Variants in GHR observed in about 807,000 individuals in gnomAD.
GHR encodes the protein growth hormone receptor, also known as GH receptor.
Under a neutral mutation model 67.1 loss-of-function variants are expected in GHR, and 35 were observed. The ratio of observed to expected loss-of-function variants is 0.52; its 90% confidence interval spans 0.40 to 0.69. The LOEUF is 0.69. Among genes scored for constraint, GHR ranks in the 30% least tolerant of loss-of-function variants. The pLI, the probability that GHR is intolerant of heterozygous loss-of-function variation, is 0.00. For synonymous variants in GHR, 272 were observed against 269.1 expected (o/e 1.01, Z -0.10); for missense variants, 792 against 764.6 (o/e 1.04, Z -0.42).
intron 2 of GHR, among the ~76,000 whole-genome samples, chr5:42,610,442 A>AG (rs1752838499): frequency 6.6e-6 from 1 of 152,178 alleles, no homozygotes; most frequent in South Asian, 2.1e-4. Flanking sequence ...CTAGTGGCTG[A>AG]CTAGGTAAAA....
chr5:42,711,143 T>C, intron 6 of GHR, 64 bp from the exon 7 acceptor site: 2 of 1,128,394 alleles, frequency 1.8e-6, no homozygotes, highest in Non-Finnish European at 2.7e-6. Flanking sequence ...AGAATACCTG[T>C]AGTGTTCATT....
chr5:42,603,878 C>G (rs1467029445), intron 2 of GHR, among the ~76,000 whole-genome samples: 1 of 152,210 alleles, frequency 6.6e-6, no homozygotes, highest in African/African-American at 2.4e-5. Flanking sequence ...CTTCCTCAAC[C>G]AACTTCCAAT....
At chr5:42,481,177 G>T (rs1027853279) in intron 1 of GHR, among the ~76,000 whole-genome samples, 1 of 152,084 alleles carries the variant, frequency 6.6e-6, no homozygotes, top group African/African-American at 2.4e-5. Flanking sequence ...GAAATTCTGG[G>T]TTGAAAATTC....
At chr5:42,629,362 G>C (rs1184841894) in intron 3 of GHR, among the ~76,000 whole-genome samples, 2 of 131,432 alleles carry the variant, frequency 1.5e-5, no homozygotes, top group African/African-American at 3.2e-5. Flanking sequence ...GGGTCATGTG[G>C]GCAGATTCCT....
chr5:42,544,996 T>C (rs1294660673), intron 1 of GHR, among the ~76,000 whole-genome samples: 2 of 152,178 alleles, frequency 1.3e-5, no homozygotes, highest in Non-Finnish European at 2.9e-5. Flanking sequence ...GATAACTCCA[T>C]ATAATGGAGA....
chr5:42,571,116 T>G (rs2112499282), intron 2 of GHR, among the ~76,000 whole-genome samples: 1 of 152,248 alleles, frequency 6.6e-6, no homozygotes, highest in East Asian at 1.9e-4. Flanking sequence ...TGACTCACGT[T>G]TAATGCAGTG....
At position 42,579,139 on chromosome 5, in the gene GHR, AT is replaced by A. The variant is rs1488972978; in HGVS notation, c.70+13196del. ...GATAGATAGATAGATAGATAGATAG[AT>A]GATAGATAGATATAGATAGATAGAT... On this transcript the variant is annotated intron_variant, in intron 2 of 9. Coordinates refer to ENST00000230882, the MANE Select transcript of GHR (RefSeq NM_000163.5). 1.5e-3 allele frequency among the ~76,000 whole-genome samples: 68 copies of A among 44,134 alleles called. 2 individuals carry two copies. Among genetic ancestry groups the A allele is most frequent in the South Asian group, 3.7e-3 (7 of 1,908 alleles). 29.0% of individuals were successfully genotyped at this position (44,134 alleles called of 152,430 possible).
intron 3 of GHR, among the ~76,000 whole-genome samples, chr5:42,664,968 T>C (rs2112879561): frequency 6.6e-6 from 1 of 152,276 alleles, no homozygotes; most frequent in East Asian, 1.9e-4. Context: ...AGAAGACATT[T>C]ATGCAGCCAA....
At chr5:42,426,684 A>G (rs746702234) in intron 1 of GHR, among the ~76,000 whole-genome samples, 9 of 152,200 alleles carry the variant, frequency 5.9e-5, no homozygotes, top group Non-Finnish European at 1.0e-4. Flanking sequence ...TCTTCAATTG[A>G]TAAGAATCGA....
At chr5:42,435,842 A>G (rs578253860) in intron 1 of GHR, among the ~76,000 whole-genome samples, 1 of 152,304 alleles carries the variant, frequency 6.6e-6, no homozygotes, top group Non-Finnish European at 1.5e-5. Flanking sequence ...GGCCTTTGTA[A>G]CCAGATAGCA....
rs1460897433 is a variant in GHR, at chr5:42,565,925, T to C, written c.51T>C (p.Asp17=). The change falls in exon 2 of 10, where the codon GAT becomes GAC. Residue 17 remains aspartate, a synonymous_variant. Transcript: ENST00000230882. ...LLTLALAGSS[D]AFSGSEATAA... is the part of the protein sequence containing the mutation. The stretch of plus-strand genomic sequence containing the variant: ...CCTTGGCACTGGCAGGATCAAGTGA[T>C]GCTTTTTCTGGAAGTGAGGGTGAGT... 1.2e-6 allele frequency: 2 copies of C among 1,614,006 alleles called. No homozygotes were observed. The highest frequency in any genetic ancestry group is 1.1e-5 in the South Asian group (1 of 91,094).
rs574579980 is a variant in GHR, at chr5:42,694,071, C to T, written c.267-846C>T. 2.0e-5 allele frequency among the ~76,000 whole-genome samples: 3 copies of T among 152,242 alleles called. 1 individual carries two copies. The highest frequency in any genetic ancestry group is 7.2e-5 in the African/African-American group (3 of 41,552). On this transcript the variant is annotated intron_variant, in intron 4 of 9. Coordinates refer to ENST00000230882, the MANE Select transcript of GHR (RefSeq NM_000163.5). ...GCCATCTATTAAACTTTTACCCATCCTTCAAGAATGCTAAAAACATACCTC... is the reference window on the plus strand; with the variant it reads ...GCCATCTATTAAACTTTTACCCATCTTTCAAGAATGCTAAAAACATACCTC...
chr5:42,451,105 AT>A (rs892965087), intron 1 of GHR, among the ~76,000 whole-genome samples: 1 of 152,146 alleles, frequency 6.6e-6, no homozygotes, highest in Non-Finnish European at 1.5e-5. Flanking sequence ...TATATTCTAC[AT>A]TTTTAGGTAG....
At chr5:42,473,884 A>C in intron 1 of GHR, among the ~76,000 whole-genome samples, 1 of 150,448 alleles carries the variant, frequency 6.6e-6, no homozygotes, top group East Asian at 2.0e-4. Flanking sequence ...AAAAAAAAAA[A>C]AAAAAAGAAA....
At chr5:42,698,761 T>C (rs968043583) in intron 5 of GHR, among the ~76,000 whole-genome samples, 2 of 152,218 alleles carry the variant, frequency 1.3e-5, no homozygotes, top group Non-Finnish European at 2.9e-5. Context: ...GGTGGCCTTC[T>C]GTATATATGG....
chr5:42,475,361 C>A (rs1199715400), intron 1 of GHR, among the ~76,000 whole-genome samples: 1 of 151,964 alleles, frequency 6.6e-6, no homozygotes, highest in Non-Finnish European at 1.5e-5. Flanking sequence ...GGAGTTGAAG[C>A]CTGAGGGTCC....
At chr5:42,663,191 C>A (rs1359760077) in intron 3 of GHR, among the ~76,000 whole-genome samples, 1 of 152,176 alleles carries the variant, frequency 6.6e-6, no homozygotes, top group Non-Finnish European at 1.5e-5. Context: ...ACCATTCCTT[C>A]TGAAACCATT....
intron 3 of GHR, among the ~76,000 whole-genome samples, chr5:42,643,337 G>C (rs557216968): frequency 2.0e-5 from 3 of 152,262 alleles, no homozygotes; most frequent in African/African-American, 7.2e-5. Flanking sequence ...AGAAAGAAAA[G>C]AATCACAACA....
intron 1 of GHR, among the ~76,000 whole-genome samples, chr5:42,485,605 C>G (rs1745844375): frequency 6.6e-6 from 1 of 152,186 alleles, no homozygotes; most frequent in African/African-American, 2.4e-5. Context: ...GTGTTGCCTT[C>G]TCTAGTCTTC....
Sources: allele counts gnomAD v4.1 joint callset (sites outside exome capture counted in the v4.1 genomes callset), GRCh38; gene constraint gnomAD v4.1.1; transcripts MANE v1.5; gene names NCBI Gene and HGNC (gene_info 2026-07-23, HGNC 2026-07-21).